The following CALN1 variants were observed in gnomAD, a reference collection of about 807,000 sequenced individuals.
CALN1 encodes calneuron 1.
Under a neutral mutation model 30.6 loss-of-function variants are expected in CALN1, and 17 were observed. The ratio of observed to expected loss-of-function variants is 0.56; its 90% CI spans 0.38 to 0.83. CALN1 has a LOEUF of 0.83. Among genes scored for constraint, CALN1 ranks in the 40% least tolerant of loss-of-function variants. CALN1 has a pLI of 0.00. For synonymous variants in CALN1, 156 were observed against 131.4 expected (o/e 1.19, Z -1.28); for missense variants, 291 against 354.9 (o/e 0.82, Z 1.45).
At chr7:72,316,148 A>C (rs1800429133) in intron 2 of CALN1, among the ~76,000 whole-genome samples, 1 of 80,370 alleles carries the variant, frequency 1.2e-5, no homozygotes, top group African/African-American at 3.5e-5. Context: ...ATGTCTTTAA[A>C]AAAAAAGAAA....
intron 5 of CALN1, among the ~76,000 whole-genome samples, chr7:71,917,143 T>C (rs1794721508): frequency 6.6e-6 from 1 of 152,216 alleles, no homozygotes. Flanking sequence ...AAAAGCACAG[T>C]GCTGCTTCTT....
At chr7:71,838,121 G>C (rs989777193) in intron 5 of CALN1, among the ~76,000 whole-genome samples, 4 of 151,852 alleles carry the variant, frequency 2.6e-5, no homozygotes, top group Non-Finnish European at 4.4e-5. Flanking sequence ...TTTGTTCTGC[G>C]GAAAAGAGTT....
chr7:72,363,427 AG>A (rs1286240253), intron 2 of CALN1, among the ~76,000 whole-genome samples: 1 of 151,746 alleles, frequency 6.6e-6, no homozygotes, highest in Admixed American at 6.6e-5. Context: ...TTAGTAGAGA[AG>A]GGGTTTCGCC....
At chr7:71,970,630 A>G (rs1232050632) in intron 5 of CALN1, among the ~76,000 whole-genome samples, 2 of 151,938 alleles carry the variant, frequency 1.3e-5, no homozygotes, top group Non-Finnish European at 1.5e-5. Flanking sequence ...CCCTCCAGAA[A>G]TAGGCAGGCA....
chr7:72,060,179 C>T (rs1369286725), intron 4 of CALN1, among the ~76,000 whole-genome samples: 2 of 152,130 alleles, frequency 1.3e-5, no homozygotes, highest in Non-Finnish European at 2.9e-5. Flanking sequence ...CTTTTCATTT[C>T]ACCATTTCTT....
chr7:72,424,164 C>T (rs978066464), intron 1 of CALN1, among the ~76,000 whole-genome samples: 4 of 152,114 alleles, frequency 2.6e-5, no homozygotes, highest in Non-Finnish European at 4.4e-5. Context: ...GGAAAGGCAA[C>T]AGGGAGAGGC....
chr7:72,356,305 CTAA>C (rs1381954309), intron 2 of CALN1, among the ~76,000 whole-genome samples: 5 of 150,176 alleles, frequency 3.3e-5, no homozygotes, highest in African/African-American at 1.0e-4. Flanking sequence ...GTATTTTAAT[CTAA>C]TAATAATAAA....
chr7:72,219,135 T>C (rs1271576798), intron 3 of CALN1, among the ~76,000 whole-genome samples: 1 of 152,228 alleles, frequency 6.6e-6, no homozygotes, highest in Non-Finnish European at 1.5e-5. Context: ...CAATTACCTC[T>C]AGTGACCCTA....
At chr7:72,115,484 CTTTTTTTTTTTTTTTT>C (rs71069026) in intron 3 of CALN1, among the ~76,000 whole-genome samples, 1 of 80,598 alleles carries the variant, frequency 1.2e-5, no homozygotes, top group African/African-American at 5.5e-5. Context: ...CATATACATT[CTTTTTTTTTTTTTTTT>C]TTTTTTTTTG....
chr7:72,136,176 TG>T (rs1809500321), intron 3 of CALN1, among the ~76,000 whole-genome samples: 1 of 149,958 alleles, frequency 6.7e-6, no homozygotes, highest in Non-Finnish European at 1.5e-5. Context: ...AATAAAGGGC[TG>T]GTTTTTTCTG....
the CALN1 span, among the ~76,000 whole-genome samples, chr7:72,487,333 G>A: frequency 1.6e-4 from 24 of 151,992 alleles, no homozygotes; most frequent in African/African-American, 4.8e-5. Context: ...AGACTGGGAC[G>A]GGCAGCTGCT....
intron 3 of CALN1, among the ~76,000 whole-genome samples, chr7:72,181,950 C>G (rs1027589519): frequency 6.6e-6 from 1 of 152,186 alleles, no homozygotes; most frequent in African/African-American, 2.4e-5. Flanking sequence ...ACAGGTATAG[C>G]ATGTTCAGTG....
chr7:71,883,039 A>C (rs1387332646), intron 5 of CALN1, among the ~76,000 whole-genome samples: 4 of 152,196 alleles, frequency 2.6e-5, no homozygotes, highest in East Asian at 3.9e-4. Flanking sequence ...CTTTGATAGC[A>C]CTTATTATTG....
At chr7:72,223,129 C>T (rs1793427410) in intron 3 of CALN1, among the ~76,000 whole-genome samples, 1 of 152,118 alleles carries the variant, frequency 6.6e-6, no homozygotes, top group South Asian at 2.1e-4. Flanking sequence ...GTGGTGGCAA[C>T]AAAACATAAT....
chr7:72,228,746 TTTATTTATTTA>T (rs1793865775), intron 3 of CALN1, among the ~76,000 whole-genome samples: 2 of 16,208 alleles, frequency 1.2e-4, no homozygotes, highest in African/African-American at 5.6e-4. Flanking sequence ...TATATATTTA[TTTATTTATTTA>T]TTTATTTATT....
rs1407277919 is a variant in CALN1 at position 72,135,391 on chromosome 7, T to C, written c.245-29097A>G. 1.6e-4 allele frequency among the ~76,000 whole-genome samples: 24 copies of C among 152,226 alleles called. 1 individual carries two copies. The highest frequency in any genetic ancestry group is 1.6e-3 in the Admixed American group (24 of 15,288). The stretch of plus-strand genomic sequence containing the variant: ...TCTTAAATATTAAGACTTGAAAGTT[T>C]AAATTTTAACTCCTTGATGTATGGG... On this transcript the variant is annotated intron_variant, in intron 3 of 6. Transcript: ENST00000395275.
chr7:71,827,771 TAAAA>T (rs1554347602), intron 5 of CALN1, among the ~76,000 whole-genome samples: 6 of 96,842 alleles, frequency 6.2e-5, no homozygotes, highest in Admixed American at 1.5e-4. Flanking sequence ...GACTCCATCT[TAAAA>T]AAATAAATAA....
At chr7:72,449,521 C>T (rs1415448563), upstream of CALN1, among the ~76,000 whole-genome samples, 1 of 152,200 alleles carries the variant, frequency 6.6e-6, no homozygotes, top group Non-Finnish European at 1.5e-5. Context: ...GCCTGGTTCA[C>T]ACCCTTAGAT....
At position 72,011,710 on chromosome 7, in the gene CALN1, C is replaced by T. The variant is rs113244546; in HGVS notation, c.501+11947G>A. On this transcript the variant is annotated intron_variant, in intron 5 of 6. Coordinates refer to ENST00000395275, the MANE Select transcript of CALN1 (RefSeq NM_031468.4). ...TGCTTCATTGAGAGAGAGTCTCACT[C>T]TGACACCCAGGCTGGAGTGCAGTGG... Among the ~76,000 whole-genome samples, 404 of 152,306 alleles carry T rather than the reference C, an allele frequency of 2.7e-3. 3 individuals carry two copies. Among genetic ancestry groups the T allele is most frequent in the African/African-American group, 9.4e-3 (391 of 41,572 alleles).
Sources: gnomAD v4.1 joint callset for allele counts (sites outside exome capture counted in the v4.1 genomes callset) on GRCh38, gnomAD v4.1.1 for gene constraint, MANE v1.5 for transcripts, NCBI Gene and HGNC (gene_info 2026-07-23, HGNC 2026-07-21) for gene names.